Variants in ADAMTS3 observed in about 807,000 individuals in gnomAD.
ADAMTS3 encodes the protein ADAM metallopeptidase with thrombospondin type 1 motif 3, also known as A disintegrin and metalloproteinase with thrombospondin motifs 3.
Under a neutral mutation model 129.0 loss-of-function variants are expected in ADAMTS3, and 73 were observed. The observed-to-expected ratio is 0.57, with a 90% CI of 0.47 to 0.69. ADAMTS3 has a LOEUF of 0.69. Ranked by LOEUF, ADAMTS3 falls within the 30% of genes least tolerant of loss-of-function variation. The pLI is 0.00. For synonymous variants in ADAMTS3, 477 were observed against 510.8 expected, an observed-to-expected ratio of 0.93 and a Z score of 0.89; for missense variants, 1,457 against 1,514.5, an observed-to-expected ratio of 0.96 and a Z score of 0.63.
At chr4:72,564,438 T>C (rs982163277) in intron 2 of ADAMTS3, among the ~76,000 whole-genome samples, 6 of 152,192 alleles carry the variant, frequency 3.9e-5, no homozygotes, top group African/African-American at 9.6e-5. Flanking sequence ...CAGTGCTCCC[T>C]GATACGCCCT....
intron 4 of ADAMTS3, among the ~76,000 whole-genome samples, chr4:72,396,215 G>C (rs1015500903): frequency 1.3e-5 from 2 of 152,154 alleles, no homozygotes; most frequent in African/African-American, 4.8e-5. Flanking sequence ...TGAGTCACAG[G>C]TATCTGTGGA....
At chr4:72,557,339 C>T (rs569697315) in intron 2 of ADAMTS3, among the ~76,000 whole-genome samples, 8 of 151,816 alleles carry the variant, frequency 5.3e-5, no homozygotes, top group South Asian at 2.1e-4. Context: ...TCAGCAAAGC[C>T]GTAAACACTT....
intron 16 of ADAMTS3, 85 bp downstream of exon 16, chr4:72,305,902 A>C: frequency 8.9e-7 from 1 of 1,127,864 alleles, no homozygotes; most frequent in Non-Finnish European, 1.3e-6. Flanking sequence ...ATGTGTACAT[A>C]TATACATATC....
chr4:72,477,551 G>A (rs1443293061), intron 3 of ADAMTS3, among the ~76,000 whole-genome samples: 7 of 151,912 alleles, frequency 4.6e-5, no homozygotes, highest in Non-Finnish European at 1.0e-4. Flanking sequence ...AGTGTGTAGA[G>A]GGAAATTTAT....
intron 3 of ADAMTS3, among the ~76,000 whole-genome samples, chr4:72,437,585 T>C (rs994626144): frequency 1.3e-5 from 2 of 151,794 alleles, no homozygotes; most frequent in Admixed American, 6.6e-5. Flanking sequence ...ATGCAGAAGA[T>C]GCTTTGCGAG....
At chr4:72,348,933 C>A (rs556766181) in intron 4 of ADAMTS3, among the ~76,000 whole-genome samples, 2 of 151,948 alleles carry the variant, frequency 1.3e-5, no homozygotes, top group African/African-American at 4.8e-5. Flanking sequence ...AGACTTCAAT[C>A]TGGCCCACAC....
At position 72,548,694 on chromosome 4, in the gene ADAMTS3, C is replaced by T; in HGVS notation, c.288G>A (p.Lys96=). Residue 96 remains lysine (K), a synonymous_variant, in exon 3 of 22, where the codon AAG becomes AAA. Transcript: ENST00000286657. ...CAGGAGCTACTAGTTGAGTGTTGGG[C>T]TTTAGTCGCAGATGAAAATCTTTTC... ...AFGKDFHLRL[K]PNTQLVAPGA... 6.2e-7 allele frequency: 1 copy of T among 1,613,992 alleles called. No homozygotes were observed. Among genetic ancestry groups the T allele is most frequent in the Non-Finnish European group, 8.5e-7 (1 of 1,179,924 alleles).
intron 4 of ADAMTS3, among the ~76,000 whole-genome samples, chr4:72,351,780 T>C (rs1176677282): frequency 1.3e-5 from 2 of 151,956 alleles, no homozygotes; most frequent in African/African-American, 4.8e-5. Context: ...CCAAAGAACA[T>C]GATTTTTGAA....
intron 3 of ADAMTS3, among the ~76,000 whole-genome samples, chr4:72,530,465 A>T (rs1375483137): frequency 2.5e-4 from 7 of 27,870 alleles, no homozygotes; most frequent in African/African-American, 1.4e-3. Context: ...TATATTAAAT[A>T]TATTAATTTA....
intron 3 of ADAMTS3, among the ~76,000 whole-genome samples, chr4:72,520,284 CA>C (rs1343231963): frequency 6.6e-6 from 1 of 152,216 alleles, no homozygotes; most frequent in African/African-American, 2.4e-5. Flanking sequence ...GCTCGGGGGT[CA>C]GGGGTCAGGG....
intron 3 of ADAMTS3, among the ~76,000 whole-genome samples, chr4:72,472,985 G>A (rs186913325): frequency 6.6e-6 from 1 of 152,018 alleles, no homozygotes; most frequent in African/African-American, 2.4e-5. Context: ...CTTTAGTTTT[G>A]CAACCAAAGT....
rs186970625 is a variant in ADAMTS3, at chr4:72,521,014, T to C, written c.504+27464A>G. 2.3e-3 allele frequency among the ~76,000 whole-genome samples: 349 copies of C among 152,046 alleles called. 2 individuals carry two copies. Among genetic ancestry groups the C allele is most frequent in the African/African-American group, 8.2e-3 (340 of 41,492 alleles). On this transcript the variant is annotated intron_variant, in intron 3 of 21. Coordinates refer to ENST00000286657, the MANE Select transcript of ADAMTS3 (RefSeq NM_014243.3). ...TCCCCACTTTTTTTCTTTTTTTTTT[T>C]TGAGACAGAGTCTCGTTCAGTCACC... is the stretch of plus-strand genomic sequence containing the variant.
chr4:72,423,752 A>C (rs1381083521), intron 3 of ADAMTS3, among the ~76,000 whole-genome samples: 1 of 152,124 alleles, frequency 6.6e-6, no homozygotes, highest in East Asian at 1.9e-4. Context: ...AAAGTGGTTG[A>C]GAAGGGCTGG....
chr4:72,400,125 CGT>C (rs1165456446), intron 4 of ADAMTS3, among the ~76,000 whole-genome samples: 1 of 90,274 alleles, frequency 1.1e-5, no homozygotes, highest in East Asian at 3.3e-4. Flanking sequence ...TGTGTATATA[CGT>C]GTGTATATAT....
chr4:72,522,490 C>G (rs1720700451), intron 3 of ADAMTS3, among the ~76,000 whole-genome samples: 1 of 152,086 alleles, frequency 6.6e-6, no homozygotes, highest in African/African-American at 2.4e-5. Context: ...ACAGAAAGAA[C>G]AGTTAAGCGA....
At chr4:72,477,302 A>C (rs543988559) in intron 3 of ADAMTS3, among the ~76,000 whole-genome samples, 77 of 152,176 alleles carry the variant, frequency 5.1e-4, no homozygotes, top group Middle Eastern at 3.4e-3. Context: ...TAAAGCTCTC[A>C]TCAGCAAATG....
At position 72,347,169 on chromosome 4, in the gene ADAMTS3, A is replaced by G. The variant is rs150817120; in HGVS notation, c.662-7476T>C. Among the ~76,000 whole-genome samples the G allele has an allele frequency of 4.0e-5, 6 of 151,844 alleles. No individual in the cohort carries two copies. The East Asian group carries it at 1.2e-3, about 30-fold the overall frequency. On this transcript the variant is annotated intron_variant, in intron 4 of 21. Coordinates refer to ENST00000286657, the MANE Select transcript of ADAMTS3 (RefSeq NM_014243.3). ...AGACTACTAATAGAGAATAGACTAC[A>G]CTCCAATGATGAGTATGAGCCTGTG... is the stretch of plus-strand genomic sequence containing the variant.
intron 4 of ADAMTS3, among the ~76,000 whole-genome samples, chr4:72,394,288 T>C (rs982647421): frequency 2.7e-5 from 4 of 150,144 alleles, no homozygotes; most frequent in Non-Finnish European, 5.9e-5. Flanking sequence ...AAACTGATGG[T>C]GCTGCTTTGC....
At chr4:72,527,706 T>G (rs1484768494) in intron 3 of ADAMTS3, among the ~76,000 whole-genome samples, 2 of 152,158 alleles carry the variant, frequency 1.3e-5, no homozygotes, top group Non-Finnish European at 2.9e-5. Flanking sequence ...CAAAGAGACA[T>G]GGCTTTCTGT....
Sources: allele counts gnomAD v4.1 joint callset (sites outside exome capture counted in the v4.1 genomes callset), GRCh38; gene constraint gnomAD v4.1.1; transcripts MANE v1.5; gene names NCBI Gene and HGNC (gene_info 2026-07-23, HGNC 2026-07-21).